The following PIK3C3 variants were observed in gnomAD, a reference collection of about 807,000 sequenced individuals.
PIK3C3 encodes phosphatidylinositol 3-kinase catalytic subunit type 3, also known as PI3-kinase type 3.
Under a neutral mutation model 126.1 loss-of-function variants are expected in PIK3C3, and 95 were observed. The ratio of observed to expected loss-of-function variants is 0.75; its 90% CI spans 0.64 to 0.89. The LOEUF (loss-of-function observed/expected upper bound fraction) is 0.89, where lower values mean the gene tolerates loss of function less well. Among genes scored for constraint, PIK3C3 ranks in the 40% least tolerant of loss-of-function variants. The pLI, the probability that PIK3C3 is intolerant of heterozygous loss-of-function variation, is 0.00. For missense variants in PIK3C3, 829 were observed against 1,063.2 expected (o/e 0.78, Z 3.06); for synonymous variants, 374 against 360.0 (o/e 1.04, Z -0.44).
intron 22 of PIK3C3, among the ~76,000 whole-genome samples, chr18:42,058,680 A>G (rs1245768689): frequency 2.0e-5 from 3 of 152,184 alleles, no homozygotes; most frequent in Non-Finnish European, 4.4e-5. Flanking sequence ...TTTTTCTTCA[A>G]CACCACTAAA....
chr18:41,983,281 T>C (rs1598866362), intron 4 of PIK3C3, among the ~76,000 whole-genome samples: 1 of 152,284 alleles, frequency 6.6e-6, no homozygotes, highest in African/African-American at 2.4e-5. Context: ...AGTTTGTTAC[T>C]TAATAGCCAG....
Position 42,064,839 on chromosome 18 carries a change from T to G in PIK3C3, c.2523+9T>G. On this transcript the variant is annotated intron_variant, in intron 23 of 24. Transcript: ENST00000262039. ...ATAAAACTGTGAAAAAGGTAATTTT[T>G]AAGTAACATAAATGAAGAGCTCTTC... The G allele has an allele frequency of 1.4e-6, 2 of 1,409,612 alleles. No homozygotes were observed. The highest frequency in any genetic ancestry group is 2.3e-5 in the East Asian group (1 of 43,876). 87.3% of individuals were successfully genotyped at this position (1,409,612 alleles called of 1,614,324 possible). A position where few individuals can be genotyped will look rare whatever the true frequency, so the allele number is the denominator to read the frequency against.
intron 10 of PIK3C3, among the ~76,000 whole-genome samples, chr18:42,007,722 T>C (rs887704250): frequency 1.7e-4 from 26 of 152,226 alleles, no homozygotes; most frequent in Admixed American, 2.6e-4. Context: ...CTTTTCTTAC[T>C]CTAATAGATG....
At chr18:41,964,573 G>A (rs895332262) in intron 3 of PIK3C3, among the ~76,000 whole-genome samples, 1 of 151,948 alleles carries the variant, frequency 6.6e-6, no homozygotes, top group Admixed American at 6.6e-5. Context: ...TAAATACTAG[G>A]TATCCTTCCT....
intron 20 of PIK3C3, among the ~76,000 whole-genome samples, chr18:42,045,462 C>T (rs1305880214): frequency 6.6e-6 from 1 of 152,186 alleles, no homozygotes; most frequent in Non-Finnish European, 1.5e-5. Flanking sequence ...ATGGATCACT[C>T]ACATTATTGG....
chr18:42,006,327 G>C (rs1982540732), intron 10 of PIK3C3, among the ~76,000 whole-genome samples: 6 of 152,038 alleles, frequency 3.9e-5, no homozygotes, highest in Admixed American at 3.9e-4. Flanking sequence ...CAACCCAAAA[G>C]CTCTCAGAAT....
At chr18:41,986,030 C>G (rs1047146158) in intron 4 of PIK3C3, among the ~76,000 whole-genome samples, 1 of 152,080 alleles carries the variant, frequency 6.6e-6, no homozygotes, top group African/African-American at 2.4e-5. Flanking sequence ...AACTAATATT[C>G]GAGAAACGAC....
intron 22 of PIK3C3, among the ~76,000 whole-genome samples, chr18:42,062,615 C>G (rs1184165905): frequency 1.3e-5 from 2 of 151,822 alleles, no homozygotes; most frequent in Admixed American, 1.3e-4. Flanking sequence ...TTTATTTTTG[C>G]CCACCCCTCA....
intron 22 of PIK3C3, among the ~76,000 whole-genome samples, chr18:42,058,897 A>T (rs1162717923): frequency 6.6e-6 from 1 of 152,234 alleles, no homozygotes; most frequent in African/African-American, 2.4e-5. Context: ...TCCAGGAAAC[A>T]TACATACATG....
chr18:42,078,712 A>G (rs983593584), intron 24 of PIK3C3, among the ~76,000 whole-genome samples: 5 of 152,170 alleles, frequency 3.3e-5, no homozygotes, highest in African/African-American at 4.8e-5. Context: ...ACCTTCATCA[A>G]TGATCTTAGC....
At chr18:42,015,645 A>C (rs567636305) in intron 12 of PIK3C3, 79 bp downstream of exon 12, 1 of 925,210 alleles carries the variant, frequency 1.1e-6, no homozygotes, top group Non-Finnish European at 1.7e-6. Flanking sequence ...TAAAACCTCA[A>C]TTTTGATTAA....
At chr18:42,040,642 G>T in intron 18 of PIK3C3, 35 bp from the exon 19 acceptor site, 1 of 1,418,234 alleles carries the variant, frequency 7.1e-7, no homozygotes, top group South Asian at 1.2e-5. Context: ...TTAACCAGTA[G>T]CTATGCTTAA....
chr18:41,979,481 C>T (rs1981090327), intron 4 of PIK3C3, among the ~76,000 whole-genome samples: 1 of 152,056 alleles, frequency 6.6e-6, no homozygotes, highest in Non-Finnish European at 1.5e-5. Context: ...ATATAGTGGA[C>T]ATCAGTTCTT....
At position 42,085,576 on chromosome 18, in the gene PIK3C3, A is replaced by T. The variant is rs1267620660; in HGVS notation, c.*4439A>T. 1 of 152,216 alleles carries T rather than the reference A, an allele frequency of 6.6e-6. No homozygotes were observed. Among genetic ancestry groups the T allele is most frequent in the Admixed American group, 6.5e-5 (1 of 15,286 alleles). The allele number at this position is 152,216 out of a possible 1,614,324, so 9.4% of individuals were successfully genotyped here. On this transcript the variant is annotated 3_prime_UTR_variant, in exon 25 of 25. Transcript: ENST00000262039. ...AATGAGTCTAGTGGACCCACTGCAT[A>T]GTGTAACTTTGGGATGAATTTAAAA... is the stretch of plus-strand genomic sequence containing the variant.
At chr18:42,054,495 G>A (rs1355311446) in intron 21 of PIK3C3, among the ~76,000 whole-genome samples, 2 of 151,698 alleles carry the variant, frequency 1.3e-5, no homozygotes, top group East Asian at 2.0e-4. Context: ...ATCTCCTTTG[G>A]CAGCACCCTC....
At chr18:41,993,183 A>G (rs1253329885) in intron 6 of PIK3C3, 87 bp from the exon 7 acceptor site, 1 of 672,914 alleles carries the variant, frequency 1.5e-6, no homozygotes, top group East Asian at 2.8e-5. Flanking sequence ...CATCAAATAG[A>G]ATTAAAATAC....
At chr18:42,021,781 A>G (rs1983334576) in intron 13 of PIK3C3, among the ~76,000 whole-genome samples, 1 of 152,160 alleles carries the variant, frequency 6.6e-6, no homozygotes, top group Non-Finnish European at 1.5e-5. Context: ...GATCATTGAC[A>G]TGAGGTGCAA....
Position 42,013,553 on chromosome 18 carries a change from GA to G in PIK3C3, c.1286del (p.Asn429MetfsTer7). ...TKKDSQSSVS[E>X]NVSNSGINSA... is the part of the protein sequence containing the mutation. ...GAAGGATAGTCAGAGTTCAGTGTCA[GA>G]AAATGTGTCAAATTCTGGAATAAAT... On this transcript the variant is annotated frameshift_variant, in exon 11 of 25. Transcript: ENST00000262039. LOFTEE classifies it high-confidence loss of function. 1 of 1,604,856 alleles carries G rather than the reference GA, an allele frequency of 6.2e-7. No homozygotes were observed. The highest frequency in any genetic ancestry group is 8.5e-7 in the Non-Finnish European group (1 of 1,174,732).
At chr18:41,957,548 A>AT in intron 1 of PIK3C3, 22 bp from the exon 2 acceptor site, 1 of 1,598,422 alleles carries the variant, frequency 6.3e-7, no homozygotes, top group Non-Finnish European at 8.5e-7. Context: ...TGTCTGAAAC[A>AT]TTGTTGGTCT....
Sources: allele counts gnomAD v4.1 joint callset (sites outside exome capture counted in the v4.1 genomes callset), GRCh38; gene constraint gnomAD v4.1.1; transcripts MANE v1.5; gene names NCBI Gene and HGNC (gene_info 2026-07-23, HGNC 2026-07-21).